The following APTX variants were observed in gnomAD, a reference collection of about 807,000 sequenced individuals.
APTX encodes forkhead-associated domain histidine triad-like protein.
Under a neutral mutation model 42.3 loss-of-function variants are expected in APTX, and 33 were observed. The observed-to-expected ratio is 0.78, with a 90% CI of 0.59 to 1.04. The LOEUF (loss-of-function observed/expected upper bound fraction) is 1.04, where lower values mean the gene tolerates loss of function less well. Ranked by LOEUF, APTX falls within the 50% of genes least tolerant of loss-of-function variation. The pLI, the probability that APTX is intolerant of heterozygous loss-of-function variation, is 0.00. For missense variants in APTX, 421 were observed against 415.1 expected, an observed-to-expected ratio of 1.01 and a Z score of -0.12; for synonymous variants, 130 against 146.7, an observed-to-expected ratio of 0.89 and a Z score of 0.82.
At chr9:33,007,362 A>C (rs980282688) in intron 1 of APTX, among the ~76,000 whole-genome samples, 6 of 152,224 alleles carry the variant, frequency 3.9e-5, no homozygotes, top group African/African-American at 1.4e-4. Flanking sequence ...GACATATTTG[A>C]TGTTCATTTT....
At chr9:32,985,899 T>C in intron 5 of APTX, 72 bp downstream of exon 5, 1 of 1,320,654 alleles carries the variant, frequency 7.6e-7, no homozygotes, top group Non-Finnish European at 1.1e-6. Flanking sequence ...TGATTTCATT[T>C]GTAATTAAGA....
At chr9:32,989,525 C>G (rs1833035796) in intron 2 of APTX, 6 of 655,026 alleles carry the variant, frequency 9.2e-6, no homozygotes, top group South Asian at 9.0e-5. Context: ...CCCATGGTAA[C>G]AGTATGAACT....
Position 32,972,639 on chromosome 9 carries a change from G to A in APTX, c.*859C>T, listed in dbSNP as rs1395947843. 1.0e-5 allele frequency: 4 copies of A among 401,016 alleles called. No homozygotes were observed. The highest frequency in any genetic ancestry group is 2.0e-5 in the Non-Finnish European group (4 of 203,142). The allele number at this position is 401,016 out of a possible 1,614,324, so 24.8% of individuals were successfully genotyped here. A position where few individuals can be genotyped will look rare whatever the true frequency, so the allele number is the denominator to read the frequency against. On this transcript the variant is annotated 3_prime_UTR_variant, in exon 8 of 8. Transcript: ENST00000379817. ...ACTGTTTTATCCAAATTTATTCTCA[G>A]GGAAAAAGAAAGTAGTGGCTCTACG...
chr9:33,012,290 A>C (rs758746545), intron 1 of APTX, among the ~76,000 whole-genome samples: 1 of 152,144 alleles, frequency 6.6e-6, no homozygotes, highest in Non-Finnish European at 1.5e-5. Flanking sequence ...TACATGATTA[A>C]AGAAAAAAAA....
intron 6 of APTX, among the ~76,000 whole-genome samples, chr9:32,976,440 C>T (rs1387096473): frequency 1.2e-4 from 18 of 152,150 alleles, no homozygotes; most frequent in Admixed American, 1.2e-3. Context: ...ACCTCACTCA[C>T]ACATGATGAA....
At chr9:32,988,912 G>T (rs1337669899) in intron 2 of APTX, among the ~76,000 whole-genome samples, 1 of 152,178 alleles carries the variant, frequency 6.6e-6, no homozygotes, top group Non-Finnish European at 1.5e-5. Flanking sequence ...AGAACAATCT[G>T]AGCATGTGTG....
intron 6 of APTX, among the ~76,000 whole-genome samples, chr9:32,983,409 T>C (rs1033202323): frequency 6.6e-6 from 1 of 152,216 alleles, no homozygotes; most frequent in African/African-American, 2.4e-5. Context: ...GATGAAAGGA[T>C]AGACATCTTC....
At chr9:33,021,978 A>AAAAAG (rs1564007579) in intron 1 of APTX, among the ~76,000 whole-genome samples, 1 of 150,024 alleles carries the variant, frequency 6.7e-6, no homozygotes. Context: ...AAAAAAAAAA[A>AAAAAG]GGGAAACAAT....
chr9:33,011,720 C>T lies in APTX; in HGVS notation c.-5+13303G>A, dbSNP rs560898327. 8.5e-5 allele frequency among the ~76,000 whole-genome samples: 13 copies of T among 152,328 alleles called. No homozygotes were observed. The South Asian group carries it at 1.2e-3, about 15-fold the overall frequency. On this transcript the variant is annotated intron_variant, in intron 1 of 6. Coordinates refer to the APTX transcript ENST00000436040. ...ACACTTAAGAGTGCCTTCTCTGTGT[C>T]ACGCAGTGGGGTCCATGTTGAGTCA...
upstream of APTX, among the ~76,000 whole-genome samples, chr9:33,005,780 T>A (rs917164584): frequency 3.9e-5 from 6 of 152,174 alleles, no homozygotes; most frequent in African/African-American, 1.4e-4. Flanking sequence ...CCAACTTCAA[T>A]TTTTTGCATG....
At chr9:32,993,801 C>A (rs1834205971) in intron 1 of APTX, among the ~76,000 whole-genome samples, 1 of 150,136 alleles carries the variant, frequency 6.7e-6, no homozygotes, top group African/African-American at 2.4e-5. Context: ...TCACTGCAAA[C>A]TCCACCTCAT....
chr9:32,996,429 C>A (rs754742260), intron 1 of APTX, among the ~76,000 whole-genome samples: 1 of 152,116 alleles, frequency 6.6e-6, no homozygotes, highest in Non-Finnish European at 1.5e-5. Flanking sequence ...ACACACACCA[C>A]CATGCCTTGC....
intron 1 of APTX, among the ~76,000 whole-genome samples, chr9:33,007,746 C>T (rs112104400): frequency 5.0e-4 from 76 of 151,832 alleles, no homozygotes; most frequent in African/African-American, 1.8e-3. Context: ...ATTTATGCTA[C>T]TAAGTGTAAT....
rs1490103719 is a variant in APTX, at chr9:32,973,216, T to TG, written c.*281dup. The TG allele has an allele frequency of 3.7e-6, 2 of 546,590 alleles. No homozygotes were observed. Among genetic ancestry groups the TG allele is most frequent in the Admixed American group, 4.4e-5 (2 of 45,204 alleles). The allele number at this position is 546,590 out of a possible 1,614,324, so 33.9% of individuals were successfully genotyped here. A position where few individuals can be genotyped will look rare whatever the true frequency, so the allele number is the denominator to read the frequency against. The stretch of plus-strand genomic sequence containing the variant: ...CATTAGGTCAGTGTGAACATGGCTT[T>TG]GCTCCCAATGGTCAGACCTGACATG... On this transcript the variant is annotated 3_prime_UTR_variant, in exon 8 of 8. Transcript: ENST00000379817.
At chr9:32,975,477 G>A (rs1829162171) in intron 6 of APTX, among the ~76,000 whole-genome samples, 1 of 152,164 alleles carries the variant, frequency 6.6e-6, no homozygotes, top group Non-Finnish European at 1.5e-5. Context: ...CGAGGCAGGT[G>A]GATCACTTGA....
At chr9:32,985,490 A>G (rs542875255) in intron 5 of APTX, among the ~76,000 whole-genome samples, 1 of 152,126 alleles carries the variant, frequency 6.6e-6, no homozygotes, top group Non-Finnish European at 1.5e-5. Context: ...ATGCACCACC[A>G]TGCCCAGCTA....
At chr9:33,015,990 A>T (rs866123491) in intron 1 of APTX, 12 of 152,262 alleles carry the variant, frequency 7.9e-5, no homozygotes, top group African/African-American at 2.7e-4. Flanking sequence ...GAAGAATTAA[A>T]ATAATTATCT....
At chr9:33,005,050 C>G (rs1263559028), upstream of APTX, among the ~76,000 whole-genome samples, 2 of 152,060 alleles carry the variant, frequency 1.3e-5, no homozygotes, top group Non-Finnish European at 2.9e-5. Context: ...TTTTCATAAG[C>G]TTCCTGTCTA....
chr9:32,989,639 C>T (rs774769082), intron 2 of APTX, 120 bp downstream of exon 2: 13 of 1,451,294 alleles, frequency 9.0e-6, no homozygotes, highest in East Asian at 2.3e-5. Context: ...GAGCTCAGTT[C>T]CTGAGCTGTA....
Sources: allele counts gnomAD v4.1 joint callset (sites outside exome capture counted in the v4.1 genomes callset), GRCh38; gene constraint gnomAD v4.1.1; transcripts MANE v1.5; gene names NCBI Gene and HGNC (gene_info 2026-07-23, HGNC 2026-07-21).